The following PARD3B variants were observed in gnomAD, a reference collection of about 807,000 sequenced individuals.
PARD3B encodes partitioning defective 3 homolog B.
In PARD3B, 103 loss-of-function variants were observed where a neutral mutation model predicts 130.2. The observed-to-expected ratio is 0.79, with a 90% CI of 0.67 to 0.93. The LOEUF is 0.93. Among genes scored for constraint, PARD3B ranks in the 40% least tolerant of loss-of-function variants. The pLI is 0.00. For synonymous variants in PARD3B, 583 were observed against 553.2 expected, an observed-to-expected ratio of 1.05 and a Z score of -0.76; for missense variants, 1,609 against 1,499.2, an observed-to-expected ratio of 1.07 and a Z score of -1.21.
chr2:204,941,083 T>G (rs1688862965), intron 2 of PARD3B, among the ~76,000 whole-genome samples: 1 of 152,202 alleles, frequency 6.6e-6, no homozygotes, highest in Admixed American at 6.5e-5. Context: ...ACCTTGGTGT[T>G]TGTTATATAT....
intron 22 of PARD3B, among the ~76,000 whole-genome samples, chr2:205,556,685 C>A (rs1183642823): frequency 6.6e-6 from 1 of 152,140 alleles, no homozygotes; most frequent in Non-Finnish European, 1.5e-5. Context: ...TGTAATACAA[C>A]CTCGTTAGTA....
rs538867960 is a variant in PARD3B at position 205,585,142 on chromosome 2, C to A, written c.3261-30314C>A. 6.6e-6 allele frequency among the ~76,000 whole-genome samples: 1 copy of A among 152,336 alleles called. No homozygotes were observed. The highest frequency in any genetic ancestry group is 2.4e-5 in the African/African-American group (1 of 41,580). ...CCCACAGCCTTGGAATGATTGCTCA[C>A]TCCTTTCTGGCTTAGTCTTTTTTGT... On this transcript the variant is annotated intron_variant, in intron 22 of 22. Transcript: ENST00000406610. The surrounding 1 kb of genome is among the most constrained non-coding windows in gnomAD (Gnocchi z 5.4).
intron 21 of PARD3B, among the ~76,000 whole-genome samples, chr2:205,513,321 C>A (rs1387369493): frequency 6.6e-6 from 1 of 151,982 alleles, no homozygotes; most frequent in Admixed American, 6.6e-5. Context: ...AAATGGATAG[C>A]TTTCTCCTTT....
chr2:204,733,860 G>A (rs1396445784), intron 2 of PARD3B, among the ~76,000 whole-genome samples: 1 of 152,106 alleles, frequency 6.6e-6, no homozygotes, highest in African/African-American at 2.4e-5. Context: ...CACTTGAAAT[G>A]GATCATAGAA....
chr2:205,336,361 A>G (rs1326203681), intron 18 of PARD3B, among the ~76,000 whole-genome samples: 5 of 152,214 alleles, frequency 3.3e-5, no homozygotes, highest in Non-Finnish European at 7.3e-5. Flanking sequence ...TAAAATGAGC[A>G]ACTCCATTCC....
intron 2 of PARD3B, among the ~76,000 whole-genome samples, chr2:204,851,724 A>G (rs904811675): frequency 3.3e-5 from 5 of 152,124 alleles, no homozygotes; most frequent in African/African-American, 9.6e-5. Context: ...ATAAAAACAC[A>G]TGGATGTAGC....
chr2:205,522,297 T>A (rs1320592411), intron 21 of PARD3B, among the ~76,000 whole-genome samples: 1 of 151,840 alleles, frequency 6.6e-6, no homozygotes, highest in Non-Finnish European at 1.5e-5. Context: ...TTTTTCTAAG[T>A]ATTCTAAAAT....
At chr2:205,369,130 A>C (rs1559710046) in intron 18 of PARD3B, among the ~76,000 whole-genome samples, 1 of 152,170 alleles carries the variant, frequency 6.6e-6, no homozygotes, top group African/African-American at 2.4e-5. Flanking sequence ...GGGTGCCTTA[A>C]AGGCAGTATT....
At chr2:205,211,821 A>G (rs925675276) in intron 15 of PARD3B, among the ~76,000 whole-genome samples, 1 of 152,162 alleles carries the variant, frequency 6.6e-6, no homozygotes, top group Non-Finnish European at 1.5e-5. Flanking sequence ...ACTAACTGGC[A>G]TAATCCCCAG....
intron 1 of PARD3B, among the ~76,000 whole-genome samples, chr2:204,562,081 G>A (rs116816825): frequency 0.01 from 1,578 of 152,018 alleles, 28 homozygotes; most frequent in African/African-American, 0.036. Flanking sequence ...ACAAACCCCC[G>A]TGCCCCACCC....
In PARD3B at chr2:205,592,352, G is replaced by A. The variant is rs1360269374; in HGVS notation, c.3261-23104G>A. Reference sequence around the variant, plus strand: ...AGATGCCAGTCACTGGGAGAGAAAGGGATGAGGCTGAAACTCAAATGAGTA... The same window carrying A: ...AGATGCCAGTCACTGGGAGAGAAAGAGATGAGGCTGAAACTCAAATGAGTA... On this transcript the variant is annotated intron_variant, in intron 22 of 22. Coordinates refer to ENST00000406610, the MANE Select transcript of PARD3B (RefSeq NM_001302769.2). The surrounding 1 kb of genome is among the most constrained non-coding windows in gnomAD (Gnocchi z 4.5). Among the ~76,000 whole-genome samples the A allele has an allele frequency of 6.6e-6, 1 of 152,118 alleles. No individual in the cohort carries two copies. Among genetic ancestry groups the A allele is most frequent in the African/African-American group, 2.4e-5 (1 of 41,420 alleles).
rs1376341915 is a variant in PARD3B, at chr2:205,473,680, GTATGTATA to G, written c.3045-26212_3045-26205del. On this transcript the variant is annotated intron_variant, in intron 20 of 22. Coordinates refer to ENST00000406610, the MANE Select transcript of PARD3B (RefSeq NM_001302769.2). The surrounding 1 kb of genome is among the most constrained non-coding windows in gnomAD (Gnocchi z 4.9). ...TGTGTGTGTGTGTGTGTGTGTGTGT[GTATGTATA>G]TATATATATATATATATATATACAC... is the stretch of plus-strand genomic sequence containing the variant. Among the ~76,000 whole-genome samples the G allele has an allele frequency of 2.7e-4, 23 of 86,024 alleles. No homozygotes were observed. Among genetic ancestry groups the G allele is most frequent in the Non-Finnish European group, 3.8e-4 (18 of 47,780 alleles). 56.4% of individuals were successfully genotyped at this position (86,024 alleles called of 152,430 possible).
chr2:205,205,347 T>G (rs1190086159), intron 15 of PARD3B, among the ~76,000 whole-genome samples: 1 of 152,342 alleles, frequency 6.6e-6, no homozygotes, highest in African/African-American at 2.4e-5. Flanking sequence ...GATTTTGGGC[T>G]GAGACGATGG....
At chr2:205,082,917 A>G (rs1045869713) in intron 4 of PARD3B, among the ~76,000 whole-genome samples, 1 of 148,128 alleles carries the variant, frequency 6.8e-6, no homozygotes, top group East Asian at 2.0e-4. Flanking sequence ...GTTAAAATAT[A>G]TCTTTTTTTT....
intron 10 of PARD3B, among the ~76,000 whole-genome samples, chr2:205,153,881 G>A (rs962731365): frequency 1.3e-5 from 2 of 152,030 alleles, no homozygotes; most frequent in South Asian, 2.1e-4. Flanking sequence ...CTTACATCTT[G>A]TACAAAAATT....
At chr2:204,880,178 CTCTT>C (rs2045985989) in intron 2 of PARD3B, among the ~76,000 whole-genome samples, 1 of 152,130 alleles carries the variant, frequency 6.6e-6, no homozygotes, top group African/African-American at 2.4e-5. Flanking sequence ...ATAAAATAAT[CTCTT>C]TCTCTTAGTT....
At chr2:204,701,739 T>A (rs1278911433) in intron 2 of PARD3B, among the ~76,000 whole-genome samples, 3 of 152,148 alleles carry the variant, frequency 2.0e-5, no homozygotes, top group Non-Finnish European at 4.4e-5. Flanking sequence ...TTATTATTTT[T>A]TTTTTCTTTT....
intron 14 of PARD3B, among the ~76,000 whole-genome samples, chr2:205,189,067 TCAG>T (rs1376215817): frequency 6.6e-6 from 1 of 152,160 alleles, no homozygotes; most frequent in African/African-American, 2.4e-5. Flanking sequence ...TGAAGCTAAA[TCAG>T]CAGCAGACAG....
At chr2:205,483,324 T>C (rs1381562847) in intron 20 of PARD3B, among the ~76,000 whole-genome samples, 4 of 152,202 alleles carry the variant, frequency 2.6e-5, no homozygotes, top group Non-Finnish European at 5.9e-5. Context: ...AATTAGCTAA[T>C]GGATTTTGAG....
Sources: gnomAD v4.1 joint callset for allele counts (sites outside exome capture counted in the v4.1 genomes callset) on GRCh38, gnomAD v4.1.1 for gene constraint, Gnocchi (gnomAD v3.1) non-coding constraint, MANE v1.5 for transcripts, NCBI Gene and HGNC (gene_info 2026-07-23, HGNC 2026-07-21) for gene names.